Variants in ANO4 observed in about 807,000 individuals in gnomAD.
ANO4 encodes anoctamin-4.
ANO4 carries 69 observed loss-of-function variants against 141.9 expected under a neutral mutation model. That is an observed-to-expected ratio of 0.49 (90% CI 0.40 to 0.59). The LOEUF (loss-of-function observed/expected upper bound fraction) is 0.59, where lower values mean the gene tolerates loss of function less well. Ranked by LOEUF, ANO4 falls within the 20% of genes least tolerant of loss-of-function variation. The pLI is 0.00. For synonymous variants in ANO4, 350 were observed against 394.3 expected, an observed-to-expected ratio of 0.89 and a Z score of 1.33; for missense variants, 894 against 1,162.2, an observed-to-expected ratio of 0.77 and a Z score of 3.36.
At chr12:100,887,017 G>C (rs1270275126) in intron 1 of ANO4, among the ~76,000 whole-genome samples, 2 of 152,198 alleles carry the variant, frequency 1.3e-5, no homozygotes, top group Non-Finnish European at 2.9e-5. Flanking sequence ...CTCAGTAGTT[G>C]TTGGGGACAA....
At chr12:100,810,514 G>T (rs925670702) in intron 1 of ANO4, among the ~76,000 whole-genome samples, 1 of 152,142 alleles carries the variant, frequency 6.6e-6, no homozygotes, top group Non-Finnish European at 1.5e-5. Flanking sequence ...GCTGTGTGGA[G>T]AATAGAGGGA....
chr12:101,072,052 A>G (rs1319257232), intron 14 of ANO4, among the ~76,000 whole-genome samples: 1 of 152,182 alleles, frequency 6.6e-6, no homozygotes, highest in Non-Finnish European at 1.5e-5. Context: ...TATATTAGTT[A>G]GGATGAGTAA....
At chr12:100,972,583 C>CAT (rs1013045292) in intron 6 of ANO4, among the ~76,000 whole-genome samples, 2 of 151,928 alleles carry the variant, frequency 1.3e-5, no homozygotes, top group African/African-American at 2.4e-5. Flanking sequence ...AAAAGGAATA[C>CAT]ATATATATAT....
At chr12:100,849,486 T>C (rs556744080) in intron 1 of ANO4, among the ~76,000 whole-genome samples, 1 of 152,318 alleles carries the variant, frequency 6.6e-6, no homozygotes, top group Admixed American at 6.5e-5. Context: ...AATGGTAACA[T>C]AGGCTGCAGG....
At chr12:100,989,064 A>G (rs1156598575) in intron 8 of ANO4, among the ~76,000 whole-genome samples, 1 of 152,148 alleles carries the variant, frequency 6.6e-6, no homozygotes, top group Non-Finnish European at 1.5e-5. Context: ...AATGTGTAAC[A>G]GTAAGAGCAG....
At chr12:100,996,912 C>T (rs1364023838) in intron 8 of ANO4, among the ~76,000 whole-genome samples, 1 of 152,180 alleles carries the variant, frequency 6.6e-6, no homozygotes, top group Non-Finnish European at 1.5e-5. Context: ...CTAAACAACT[C>T]CTTCATTCCA....
chr12:100,822,270 G>A (rs533763272), intron 1 of ANO4, among the ~76,000 whole-genome samples: 1 of 152,132 alleles, frequency 6.6e-6, no homozygotes, highest in African/African-American at 2.4e-5. Context: ...GGATCATGTG[G>A]AGAACTACTC....
chr12:100,761,245 C>A (rs1180828851), intron 3 of ANO4, among the ~76,000 whole-genome samples: 1 of 152,118 alleles, frequency 6.6e-6, no homozygotes, highest in Non-Finnish European at 1.5e-5. Flanking sequence ...GCTGCTTAAG[C>A]CCCAGGCCTA....
chr12:100,829,988 A>G (rs12367286), intron 1 of ANO4, among the ~76,000 whole-genome samples: 98,217 of 151,870 alleles, frequency 0.65, 32,413 homozygotes, highest in African/African-American at 0.78. Context: ...TGGCTCTTCT[A>G]CTCAATAATT....
intron 25 of ANO4, among the ~76,000 whole-genome samples, chr12:101,117,963 T>C (rs1242395748): frequency 6.6e-6 from 1 of 152,046 alleles, no homozygotes; most frequent in African/African-American, 2.4e-5. Context: ...GGCTGTCACA[T>C]CTCATCAGAT....
chr12:100,927,693 T>C (rs1287704544), intron 3 of ANO4, among the ~76,000 whole-genome samples: 1 of 152,122 alleles, frequency 6.6e-6, no homozygotes, highest in Non-Finnish European at 1.5e-5. Context: ...TAAATTATTT[T>C]CAATGTCCAG....
chr12:101,070,799 A>C lies in ANO4; in HGVS notation c.1313-8394A>C, dbSNP rs1272026447. Among the ~76,000 whole-genome samples the C allele has an allele frequency of 2.0e-5, 3 of 152,212 alleles. No homozygotes were observed. The East Asian group carries it at 5.8e-4, about 29-fold the overall frequency. On this transcript the variant is annotated intron_variant, in intron 14 of 27. Coordinates refer to ENST00000392977, the MANE Select transcript of ANO4 (RefSeq NM_001286615.2). ...TAAGGGATTAATAACCAGAATATAT[A>C]AGCAGCTCAAACTACTTTGTAGGAA...
At chr12:100,775,516 T>G (rs2033471590) in intron 3 of ANO4, among the ~76,000 whole-genome samples, 1 of 152,242 alleles carries the variant, frequency 6.6e-6, no homozygotes, top group African/African-American at 2.4e-5. Flanking sequence ...TGGGCTGGAT[T>G]CCTACATCTA....
At chr12:100,966,416 T>C (rs908395064) in intron 5 of ANO4, among the ~76,000 whole-genome samples, 1 of 152,134 alleles carries the variant, frequency 6.6e-6, no homozygotes, top group Non-Finnish European at 1.5e-5. Flanking sequence ...TAAATGAATA[T>C]AAATATGTGA....
intron 1 of ANO4, among the ~76,000 whole-genome samples, chr12:100,726,425 C>T (rs546537332): frequency 5.1e-4 from 77 of 152,248 alleles, no homozygotes; most frequent in African/African-American, 1.7e-3. Context: ...CCATTCCTAG[C>T]GCAGGGCAGA....
intron 3 of ANO4, among the ~76,000 whole-genome samples, chr12:100,938,110 T>C (rs553356077): frequency 6.6e-6 from 1 of 152,328 alleles, no homozygotes; most frequent in East Asian, 1.9e-4. Flanking sequence ...CCCATTATAT[T>C]TTACAGATGA....
chr12:100,807,556 T>C (rs2035137285), intron 1 of ANO4, among the ~76,000 whole-genome samples: 1 of 152,192 alleles, frequency 6.6e-6, no homozygotes. Context: ...TATAGCTTAA[T>C]CTAGGGAGAG....
chr12:100,825,866 A>G (rs1027734295), intron 1 of ANO4, among the ~76,000 whole-genome samples: 2 of 152,052 alleles, frequency 1.3e-5, no homozygotes, highest in Admixed American at 6.6e-5. Flanking sequence ...TGATGTTTCC[A>G]TGGAGGATTT....
chr12:100,959,928 G>T (rs1276563072), intron 5 of ANO4, among the ~76,000 whole-genome samples: 1 of 152,198 alleles, frequency 6.6e-6, no homozygotes, highest in Non-Finnish European at 1.5e-5. Context: ...GCTTTAGGCA[G>T]CAGGGTTTAG....
Sources: gnomAD v4.1 joint callset for allele counts (sites outside exome capture counted in the v4.1 genomes callset) on GRCh38, gnomAD v4.1.1 for gene constraint, MANE v1.5 for transcripts, NCBI Gene and HGNC (gene_info 2026-07-23, HGNC 2026-07-21) for gene names.